The following GRID1 variants were observed in gnomAD, a reference collection of about 807,000 sequenced individuals.
GRID1 encodes glutamate ionotropic receptor delta type subunit 1.
In GRID1, 28 loss-of-function variants were observed where a neutral mutation model predicts 98.0. The observed-to-expected ratio is 0.29, with a 90% CI of 0.21 to 0.39. GRID1 has a LOEUF of 0.39. GRID1 is among the 10% of genes least tolerant of loss of function. The pLI is 1.00. For missense variants in GRID1, 1,111 were observed against 1,340.5 expected, an observed-to-expected ratio of 0.83 and a Z score of 2.67; for synonymous variants, 553 against 538.5, an observed-to-expected ratio of 1.03 and a Z score of -0.37.
chr10:85,808,757 T>G (rs1228844749), intron 8 of GRID1, among the ~76,000 whole-genome samples: 1 of 152,134 alleles, frequency 6.6e-6, no homozygotes, highest in Non-Finnish European at 1.5e-5. Context: ...CATTTTACAA[T>G]AATCAGACAA....
At chr10:85,630,861 T>C (rs761953447) in intron 13 of GRID1, among the ~76,000 whole-genome samples, 3 of 152,194 alleles carry the variant, frequency 2.0e-5, no homozygotes, top group Non-Finnish European at 4.4e-5. Context: ...TGTAATGACT[T>C]AGACCTCTGG....
In GRID1 at chr10:85,672,356, G is replaced by A. The variant is rs145133620; in HGVS notation, c.1998-24959C>T. On this transcript the variant is annotated intron_variant, in intron 12 of 15. Transcript: ENST00000327946. ...TGGAGTCTTCCTCTGTGGCCAGGCC[G>A]GAGTGCAGTGGTGCAATCTTGGCTC... Among the ~76,000 whole-genome samples, 728 of 152,270 alleles carry A rather than the reference G, an allele frequency of 4.8e-3. 3 individuals are homozygous for A. Among genetic ancestry groups the A allele is most frequent in the Non-Finnish European group, 6.7e-3 (457 of 68,026 alleles).
intron 2 of GRID1, among the ~76,000 whole-genome samples, chr10:86,339,012 C>G (rs1848270967): frequency 6.6e-6 from 1 of 152,152 alleles, no homozygotes; most frequent in Non-Finnish European, 1.5e-5. Flanking sequence ...GGTGACAGAG[C>G]TGGGGTTCAG....
At chr10:86,142,388 C>A (rs971065006) in intron 3 of GRID1, among the ~76,000 whole-genome samples, 4 of 152,246 alleles carry the variant, frequency 2.6e-5, no homozygotes, top group Non-Finnish European at 5.9e-5. Context: ...TAAAAAACTG[C>A]CCTGTCACAG....
At chr10:85,934,159 C>T (rs1265763729) in intron 4 of GRID1, among the ~76,000 whole-genome samples, 1 of 151,946 alleles carries the variant, frequency 6.6e-6, no homozygotes, top group Non-Finnish European at 1.5e-5. Context: ...TCTGGAGGGA[C>T]CTCTGACGGG....
rs554388973 is a variant in GRID1 at position 86,173,681 on chromosome 10, C to T, written c.520+32683G>A. 3.3e-5 allele frequency among the ~76,000 whole-genome samples: 5 copies of T among 151,416 alleles called. No homozygotes were observed. In the East Asian group the frequency reaches 9.7e-4, roughly 29 times the overall value. On this transcript the variant is annotated intron_variant, in intron 3 of 15. Coordinates refer to ENST00000327946, the MANE Select transcript of GRID1 (RefSeq NM_017551.3). ...TGCTGGTGTGCTGCACCCATTAACT[C>T]GTCATTTAGCATTAAGTGTATCTCC...
At chr10:85,972,808 A>G (rs972025073) in intron 4 of GRID1, among the ~76,000 whole-genome samples, 1 of 152,194 alleles carries the variant, frequency 6.6e-6, no homozygotes, top group Non-Finnish European at 1.5e-5. Context: ...GAACACATTG[A>G]TGATTCTAGG....
chr10:86,010,245 A>C (rs373668169), intron 4 of GRID1, among the ~76,000 whole-genome samples: 4 of 152,228 alleles, frequency 2.6e-5, no homozygotes, highest in Non-Finnish European at 4.4e-5. Flanking sequence ...TGATGTTATT[A>C]ATTCATTAGA....
At chr10:86,216,340 G>C (rs1846176605) in intron 2 of GRID1, among the ~76,000 whole-genome samples, 1 of 152,226 alleles carries the variant, frequency 6.6e-6, no homozygotes, top group South Asian at 2.1e-4. Context: ...CTGAGTGAAA[G>C]CACAGAAACA....
intron 3 of GRID1, among the ~76,000 whole-genome samples, chr10:86,183,518 C>T (rs766365272): frequency 2.0e-5 from 3 of 152,192 alleles, no homozygotes; most frequent in African/African-American, 7.2e-5. Flanking sequence ...CGCCACCATA[C>T]CCCGCTGATT....
chr10:86,022,286 T>G (rs1843060074), intron 4 of GRID1, among the ~76,000 whole-genome samples: 1 of 152,236 alleles, frequency 6.6e-6, no homozygotes, highest in South Asian at 2.1e-4. Context: ...TTTCTAATAC[T>G]TGAATCAAGT....
At chr10:86,160,074 T>C (rs1344609426) in intron 3 of GRID1, among the ~76,000 whole-genome samples, 1 of 152,070 alleles carries the variant, frequency 6.6e-6, no homozygotes, top group Non-Finnish European at 1.5e-5. Flanking sequence ...ATCATCATCG[T>C]GTGAGCCAAA....
chr10:86,197,863 GAACAA>G (rs1295902406), intron 3 of GRID1, among the ~76,000 whole-genome samples: 1 of 152,022 alleles, frequency 6.6e-6, no homozygotes, highest in African/African-American at 2.4e-5. Flanking sequence ...TTAGATCGAA[GAACAA>G]AACCCAAAAC....
At chr10:86,174,837 C>G (rs910202943) in intron 3 of GRID1, among the ~76,000 whole-genome samples, 4 of 152,014 alleles carry the variant, frequency 2.6e-5, no homozygotes, top group Non-Finnish European at 4.4e-5. Context: ...TGAAGGACAT[C>G]AACAGACACT....
chr10:85,797,609 A>ATTTTTTTT (rs746153179), intron 8 of GRID1, among the ~76,000 whole-genome samples: 1 of 118,038 alleles, frequency 8.5e-6, no homozygotes. Context: ...CTAAATCTGT[A>ATTTTTTTT]TTTTTTTTTT....
intron 2 of GRID1, among the ~76,000 whole-genome samples, chr10:86,255,729 C>T (rs533994348): frequency 6.6e-6 from 1 of 152,320 alleles, no homozygotes; most frequent in African/African-American, 2.4e-5. Flanking sequence ...TTGGTCCTAT[C>T]AGCTAGGATG....
At position 85,692,664 on chromosome 10, in the gene GRID1, T is replaced by TAAA. The variant is rs59335128; in HGVS notation, c.1997+30336_1997+30338dup. ...CCTGTGCGACAGAGTGAGACCCTGT[T>TAAA]AAAAAAAAAAAAAAAGAAGAAGAAG... On this transcript the variant is annotated intron_variant, in intron 12 of 15. Transcript: ENST00000327946. Among the ~76,000 whole-genome samples the TAAA allele has an allele frequency of 4.6e-3, 632 of 136,206 alleles. 7 individuals are homozygous for TAAA. Among genetic ancestry groups the TAAA allele is most frequent in the African/African-American group, 0.015 (563 of 36,528 alleles). 89.4% of individuals were successfully genotyped at this position (136,206 alleles called of 152,430 possible).
intron 8 of GRID1, among the ~76,000 whole-genome samples, chr10:85,814,416 A>C (rs1842698631): frequency 6.6e-6 from 1 of 151,968 alleles, no homozygotes; most frequent in Admixed American, 6.6e-5. Context: ...TAAAACAAGC[A>C]ATAGAAGGAA....
chr10:86,184,525 T>G (rs1256051602), intron 3 of GRID1, among the ~76,000 whole-genome samples: 2 of 150,236 alleles, frequency 1.3e-5, no homozygotes, highest in Non-Finnish European at 3.0e-5. Flanking sequence ...TAAAAGACTA[T>G]TTATTCTTTC....
Sources: allele counts gnomAD v4.1 joint callset (sites outside exome capture counted in the v4.1 genomes callset), GRCh38; gene constraint gnomAD v4.1.1; transcripts MANE v1.5; gene names NCBI Gene and HGNC (gene_info 2026-07-23, HGNC 2026-07-21).